WARS2: variants seen among roughly 807,000 people sequenced by gnomAD.
WARS2 encodes tryptophanyl tRNA synthetase 2, mitochondrial, also known as tryptophan--tRNA ligase, mitochondrial.
A neutral mutation model predicts 36.5 loss-of-function variants in WARS2; 28 were observed. That is an observed-to-expected ratio of 0.77 (90% confidence interval 0.57 to 1.05). The LOEUF is 1.05. WARS2 is among the 50% of genes least tolerant of loss of function. The pLI is 0.00. For missense variants in WARS2, 435 were observed against 456.8 expected (o/e 0.95, Z 0.44); for synonymous variants, 174 against 178.4 (o/e 0.98, Z 0.20).
At chr1:119,033,417 C>T (rs1647615186) in intron 5 of WARS2, 58 bp from the exon 6 acceptor site, 1 of 1,594,966 alleles carries the variant, frequency 6.3e-7, no homozygotes, top group East Asian at 2.2e-5. Flanking sequence ...AAACAGATCA[C>T]CAAGATGTAC....
At position 119,116,083 on chromosome 1, in the gene WARS2, AT is replaced by A. The variant is rs372106371; in HGVS notation, c.90+24471del. ...TAAGTACATTTGTATAGTAAGGAAT[AT>A]GATATAAAGTCTGCTTCACTCTCCC... is the stretch of plus-strand genomic sequence containing the variant. On this transcript the variant is annotated intron_variant, in intron 1 of 5. Coordinates refer to ENST00000235521, the MANE Select transcript of WARS2 (RefSeq NM_015836.4). 2.0e-4 allele frequency among the ~76,000 whole-genome samples: 30 copies of A among 152,370 alleles called. No homozygotes were observed. The East Asian group carries it at 5.6e-3, about 28-fold the overall frequency.
At chr1:119,110,492 T>C (rs1191771326) in intron 1 of WARS2, among the ~76,000 whole-genome samples, 2 of 152,126 alleles carry the variant, frequency 1.3e-5, no homozygotes, top group Non-Finnish European at 2.9e-5. Flanking sequence ...GAGAAGTCAA[T>C]TGTAATTCTT....
intron 1 of WARS2, among the ~76,000 whole-genome samples, chr1:119,089,989 A>G (rs1652930021): frequency 6.6e-6 from 1 of 152,150 alleles, no homozygotes; most frequent in Non-Finnish European, 1.5e-5. Flanking sequence ...GGAGAGGGAG[A>G]GCATCAGGAA....
intron 1 of WARS2, among the ~76,000 whole-genome samples, chr1:119,094,302 T>A (rs587752031): frequency 6.6e-6 from 1 of 152,198 alleles, no homozygotes. Context: ...GTATACCATT[T>A]TCCAGATGAA....
At chr1:119,140,659 A>T (rs773647913), upstream of WARS2, 1 of 1,608,532 alleles carries the variant, frequency 6.2e-7, no homozygotes, top group Non-Finnish European at 8.5e-7. Context: ...AGAAGGGCGG[A>T]GCCGTCTTGT....
intron 1 of WARS2, among the ~76,000 whole-genome samples, chr1:119,129,792 G>A (rs1026295314): frequency 7.2e-5 from 11 of 152,110 alleles, no homozygotes; most frequent in African/African-American, 2.6e-4. Context: ...ACAATTAAAG[G>A]TTTTATTAAA....
chr1:119,135,683 C>T (rs1656431914), intron 1 of WARS2, among the ~76,000 whole-genome samples: 1 of 151,694 alleles, frequency 6.6e-6, no homozygotes, highest in South Asian at 2.1e-4. Flanking sequence ...TTCTGAAAGA[C>T]ATGGAATATA....
At chr1:119,040,683 C>T (rs527691973) in intron 4 of WARS2, among the ~76,000 whole-genome samples, 55 of 152,290 alleles carry the variant, frequency 3.6e-4, no homozygotes, top group African/African-American at 1.3e-3. Flanking sequence ...AAGACATAGT[C>T]ATCATTAGTC....
intron 4 of WARS2, among the ~76,000 whole-genome samples, chr1:119,035,554 G>A (rs868186537): frequency 1.3e-4 from 20 of 151,978 alleles, no homozygotes; most frequent in Non-Finnish European, 1.3e-4. Flanking sequence ...ACAAATAAAG[G>A]TAAAATGAAG....
chr1:119,085,119 C>A (rs1467896038), intron 1 of WARS2: 1 of 782,310 alleles, frequency 1.3e-6, no homozygotes. Context: ...CCCTTCAGAA[C>A]GCCCGTTGTA....
intron 1 of WARS2, among the ~76,000 whole-genome samples, chr1:119,138,727 A>T: frequency 6.6e-6 from 1 of 152,164 alleles, no homozygotes; most frequent in East Asian, 1.9e-4. Flanking sequence ...CAATGACTGA[A>T]ATTATATGTA....
chr1:119,091,501 T>C (rs1653043865), intron 1 of WARS2, among the ~76,000 whole-genome samples: 1 of 152,208 alleles, frequency 6.6e-6, no homozygotes, highest in Non-Finnish European at 1.5e-5. Flanking sequence ...CAAGAAATTA[T>C]TTGTTTTACC....
chr1:119,085,847 G>C, intron 1 of WARS2: 1 of 1,610,500 alleles, frequency 6.2e-7, no homozygotes, highest in Non-Finnish European at 8.5e-7. Flanking sequence ...GGAAGATCCA[G>C]GCACTGTCCT....
chr1:119,123,785 C>A (rs1281326667), intron 1 of WARS2, among the ~76,000 whole-genome samples: 1 of 151,420 alleles, frequency 6.6e-6, no homozygotes, highest in Non-Finnish European at 1.5e-5. Flanking sequence ...AACCACCCCT[C>A]CCCTCCCTCC....
Position 119,076,624 on chromosome 1 carries a change from CA to C in WARS2, c.91-18del, listed in dbSNP as rs1342551781. Reference sequence around the variant, plus strand: ...GCTGTCTTTCTGGAACAAAGGAAAACAAGCATATTTGCTTTTGAGGCAGAAT... The same window carrying C: ...GCTGTCTTTCTGGAACAAAGGAAAACAGCATATTTGCTTTTGAGGCAGAAT... On this transcript the variant is annotated intron_variant, in intron 1 of 5. Coordinates refer to ENST00000235521, the MANE Select transcript of WARS2 (RefSeq NM_015836.4). The C allele has an allele frequency of 6.2e-7, 1 of 1,613,312 alleles. No homozygotes were observed. The highest frequency in any genetic ancestry group is 1.7e-5 in the Admixed American group (1 of 59,946).
intron 1 of WARS2, chr1:119,126,507 C>A (rs1655668919): frequency 5.2e-5 from 22 of 420,690 alleles, no homozygotes; most frequent in South Asian, 1.1e-4. Context: ...ACAAATAGGA[C>A]TTTTTATTTG....
At chr1:119,047,593 C>A (rs915056352) in intron 2 of WARS2, 1 of 152,010 alleles carries the variant, frequency 6.6e-6, no homozygotes, top group Non-Finnish European at 1.5e-5. Flanking sequence ...AGGTCAATGG[C>A]AATTAATTTT....
chr1:119,088,617 G>A (rs920005630), intron 1 of WARS2, among the ~76,000 whole-genome samples: 2 of 152,174 alleles, frequency 1.3e-5, no homozygotes, highest in African/African-American at 2.4e-5. Context: ...CGGCAGCCAC[G>A]AAGGACAGAA....
chr1:119,133,173 C>T (rs587731344), intron 1 of WARS2, among the ~76,000 whole-genome samples: 2 of 152,182 alleles, frequency 1.3e-5, no homozygotes, highest in African/African-American at 2.4e-5. Context: ...TTATTTTATA[C>T]AAGGTAATCC....
Sources: gnomAD v4.1 joint callset for allele counts (sites outside exome capture counted in the v4.1 genomes callset) on GRCh38, gnomAD v4.1.1 for gene constraint, MANE v1.5 for transcripts, NCBI Gene and HGNC (gene_info 2026-07-23, HGNC 2026-07-21) for gene names.